BTBD9: variants seen among roughly 807,000 people sequenced by gnomAD.
BTBD9 encodes BTB/POZ domain-containing protein 9.
Under a neutral mutation model 64.3 loss-of-function variants are expected in BTBD9, and 49 were observed. The observed-to-expected ratio is 0.76, with a 90% CI of 0.61 to 0.97. The LOEUF is 0.97. Ranked by LOEUF, BTBD9 falls within the 50% of genes least tolerant of loss-of-function variation. BTBD9 has a pLI of 0.00. For synonymous variants in BTBD9, 260 were observed against 274.7 expected, an observed-to-expected ratio of 0.95 and a Z score of 0.53; for missense variants, 598 against 762.1, an observed-to-expected ratio of 0.78 and a Z score of 2.53.
chr6:38,460,915 G>A (rs1261088303), intron 6 of BTBD9, among the ~76,000 whole-genome samples: 3 of 152,186 alleles, frequency 2.0e-5, no homozygotes, highest in Non-Finnish European at 2.9e-5. Context: ...GAGCCACCAC[G>A]CCCGGCCCCA....
At chr6:38,511,466 C>A (rs1772770513) in intron 6 of BTBD9, among the ~76,000 whole-genome samples, 1 of 151,818 alleles carries the variant, frequency 6.6e-6, no homozygotes, top group African/African-American at 2.4e-5. Flanking sequence ...CCTCAGCCTC[C>A]CGAGTAGCTG....
chr6:38,635,327 G>T (rs990522999), intron 1 of BTBD9, among the ~76,000 whole-genome samples: 4 of 151,938 alleles, frequency 2.6e-5, no homozygotes, highest in African/African-American at 9.7e-5. Flanking sequence ...GTAGAGATAG[G>T]GTTTCACCAT....
intron 9 of BTBD9, 52 bp from the exon 10 acceptor site, chr6:38,192,649 G>A: frequency 6.5e-7 from 1 of 1,527,670 alleles, no homozygotes; most frequent in Non-Finnish European, 9.1e-7. Flanking sequence ...TTGACTCTCT[G>A]GTAGTGTGGC....
intron 9 of BTBD9, among the ~76,000 whole-genome samples, chr6:38,228,754 G>A (rs1582083199): frequency 1.3e-5 from 2 of 151,800 alleles, no homozygotes; most frequent in East Asian, 3.9e-4. Context: ...TGCGCCTGTA[G>A]TCCCAGCTAC....
intron 6 of BTBD9, among the ~76,000 whole-genome samples, chr6:38,408,485 G>C (rs1206107406): frequency 6.6e-6 from 1 of 152,136 alleles, no homozygotes; most frequent in Non-Finnish European, 1.5e-5. Context: ...ATCTGGATAG[G>C]GGATGAACCC....
intron 6 of BTBD9, among the ~76,000 whole-genome samples, chr6:38,545,837 AACACACACACACACACATAC>A (rs1283590528): frequency 3.5e-5 from 4 of 112,846 alleles, no homozygotes; most frequent in African/African-American, 1.4e-4. Flanking sequence ...TAATATTTAA[AACACACACACACACACATAC>A]ACACACACAC....
At chr6:38,511,581 C>T (rs1435123699) in intron 6 of BTBD9, among the ~76,000 whole-genome samples, 4 of 151,750 alleles carry the variant, frequency 2.6e-5, no homozygotes, top group African/African-American at 9.7e-5. Context: ...GAGCTCAAGC[C>T]AACTGCCTGC....
intron 6 of BTBD9, among the ~76,000 whole-genome samples, chr6:38,462,223 C>T (rs1410540646): frequency 2.0e-5 from 3 of 151,978 alleles, no homozygotes; most frequent in Non-Finnish European, 2.9e-5. Flanking sequence ...ATCTTAAATA[C>T]GTTTGCCTAA....
chr6:38,312,611 C>A (rs1379421106), intron 7 of BTBD9, among the ~76,000 whole-genome samples: 1 of 152,174 alleles, frequency 6.6e-6, no homozygotes, highest in Non-Finnish European at 1.5e-5. Flanking sequence ...GGTCTGGTTT[C>A]ATTCTTCCAC....
At chr6:38,580,536 C>G in intron 4 of BTBD9, 99 bp from the exon 5 acceptor site, 7 of 1,008,560 alleles carry the variant, frequency 6.9e-6, no homozygotes, top group Non-Finnish European at 1.0e-5. Context: ...ATTCTAGTAT[C>G]TGCATTTAAG....
At chr6:38,217,184 T>G (rs990600155) in intron 9 of BTBD9, among the ~76,000 whole-genome samples, 1 of 148,774 alleles carries the variant, frequency 6.7e-6, no homozygotes. Context: ...CCAGGCCTGG[T>G]GGCGGGTGCC....
intron 8 of BTBD9, among the ~76,000 whole-genome samples, chr6:38,268,826 C>T (rs1582140782): frequency 6.6e-6 from 1 of 152,228 alleles, no homozygotes; most frequent in South Asian, 2.1e-4. Flanking sequence ...GCGTGAGCTG[C>T]GACTCGTTCC....
At chr6:38,465,865 C>G (rs1188745037) in intron 6 of BTBD9, among the ~76,000 whole-genome samples, 2 of 113,618 alleles carry the variant, frequency 1.8e-5, no homozygotes, top group African/African-American at 3.4e-5. Context: ...CAGTCTCACT[C>G]TGTTGTCCAG....
chr6:38,611,553 G>C (rs1777618380), intron 1 of BTBD9, among the ~76,000 whole-genome samples: 1 of 152,114 alleles, frequency 6.6e-6, no homozygotes, highest in African/African-American at 2.4e-5. Context: ...AGACTTTTTA[G>C]AATTAGCTAA....
chr6:38,384,293 T>A (rs1024529475), intron 6 of BTBD9, among the ~76,000 whole-genome samples: 2 of 152,198 alleles, frequency 1.3e-5, no homozygotes, highest in Non-Finnish European at 2.9e-5. Context: ...TGCTATAACA[T>A]CAAATATGCT....
At chr6:38,481,726 G>A (rs746491973) in intron 6 of BTBD9, 7 of 152,268 alleles carry the variant, frequency 4.6e-5, no homozygotes, top group Non-Finnish European at 7.3e-5. Context: ...TGAAAAGTGG[G>A]AGAGAAAGCT....
chr6:38,424,916 G>A (rs1768078473), intron 6 of BTBD9, among the ~76,000 whole-genome samples: 1 of 151,586 alleles, frequency 6.6e-6, no homozygotes, highest in Non-Finnish European at 1.5e-5. Context: ...TCGGCTTACT[G>A]CAACCTCCGC....
At chr6:38,614,648 A>G (rs1340508004) in intron 1 of BTBD9, among the ~76,000 whole-genome samples, 2 of 152,214 alleles carry the variant, frequency 1.3e-5, no homozygotes, top group Non-Finnish European at 2.9e-5. Flanking sequence ...TGGAAGCCAG[A>G]AAGACACTGC....
intron 9 of BTBD9, among the ~76,000 whole-genome samples, chr6:38,228,349 C>A (rs369563953): frequency 5.9e-5 from 4 of 68,354 alleles, no homozygotes; most frequent in East Asian, 3.4e-4. Context: ...TGTCCCCCCC[C>A]CCAAAAAAAA....
Sources: gnomAD v4.1 joint callset for allele counts (sites outside exome capture counted in the v4.1 genomes callset) on GRCh38, gnomAD v4.1.1 for gene constraint, MANE v1.5 for transcripts, NCBI Gene and HGNC (gene_info 2026-07-23, HGNC 2026-07-21) for gene names.